Variants in EGFLAM observed in about 807,000 individuals in gnomAD.
EGFLAM encodes the protein EGF like, fibronectin type III and laminin G domains.
Under a neutral mutation model 113.1 loss-of-function variants are expected in EGFLAM, and 79 were observed. That is an observed-to-expected ratio of 0.70 (90% confidence interval 0.58 to 0.84). The LOEUF (loss-of-function observed/expected upper bound fraction) is 0.84. Ranked by LOEUF, EGFLAM falls within the 40% of genes least tolerant of loss-of-function variation. The pLI, the probability that EGFLAM is intolerant of heterozygous loss-of-function variation, is 0.00. For missense variants in EGFLAM, 1,265 were observed against 1,291.6 expected (o/e 0.98, Z 0.32); for synonymous variants, 504 against 487.6 (o/e 1.03, Z -0.44).
chr5:38,457,984 G>A (rs1400416484), intron 19 of EGFLAM, among the ~76,000 whole-genome samples: 1 of 152,158 alleles, frequency 6.6e-6, no homozygotes, highest in African/African-American at 2.4e-5. Flanking sequence ...TTAATGCAAT[G>A]CTTTTGTTTT....
At chr5:38,410,671 A>T (rs553348563) in intron 10 of EGFLAM, among the ~76,000 whole-genome samples, 251 of 152,078 alleles carry the variant, frequency 1.7e-3, no homozygotes, top group Non-Finnish European at 3.2e-3. Flanking sequence ...GACCATGGGC[A>T]CTCCTGGGCC....
chr5:38,391,882 T>C (rs1740822300), intron 6 of EGFLAM, among the ~76,000 whole-genome samples: 1 of 151,910 alleles, frequency 6.6e-6, no homozygotes, highest in Admixed American at 6.6e-5. Flanking sequence ...GTTCAAGTGA[T>C]TCTTGTCCCT....
intron 1 of EGFLAM, among the ~76,000 whole-genome samples, chr5:38,293,132 C>T (rs750785287): frequency 3.3e-5 from 5 of 152,150 alleles, no homozygotes; most frequent in Non-Finnish European, 5.9e-5. Context: ...TTACTTTTAA[C>T]CTTTTAATTC....
chr5:38,416,068 A>T (rs1053066289), intron 11 of EGFLAM, among the ~76,000 whole-genome samples: 8 of 151,820 alleles, frequency 5.3e-5, no homozygotes, highest in South Asian at 4.2e-4. Context: ...TTTTTTTTTA[A>T]AAAAATAAGT....
intron 1 of EGFLAM, among the ~76,000 whole-genome samples, chr5:38,260,879 G>A (rs1371077576): frequency 6.6e-6 from 1 of 152,144 alleles, no homozygotes; most frequent in African/African-American, 2.4e-5. Context: ...GCTCTGATGT[G>A]AGCAGCAACT....
chr5:38,368,761 A>G (rs558432407), intron 5 of EGFLAM, among the ~76,000 whole-genome samples: 1 of 152,054 alleles, frequency 6.6e-6, no homozygotes, highest in Admixed American at 6.5e-5. Flanking sequence ...TGTAAATCTA[A>G]CCTCATCCTA....
At chr5:38,332,877 A>G (rs1270011180) in intron 1 of EGFLAM, among the ~76,000 whole-genome samples, 2 of 152,218 alleles carry the variant, frequency 1.3e-5, no homozygotes, top group Non-Finnish European at 2.9e-5. Context: ...TGTGCGCGTC[A>G]TAGCCATCAT....
chr5:38,392,631 G>GT (rs1320027687), intron 6 of EGFLAM, among the ~76,000 whole-genome samples: 1 of 148,196 alleles, frequency 6.7e-6, no homozygotes, highest in Admixed American at 6.7e-5. Flanking sequence ...TTTTTTTTTG[G>GT]GGGGGCGGTT....
intron 5 of EGFLAM, among the ~76,000 whole-genome samples, chr5:38,368,763 C>T (rs1241726288): frequency 6.6e-6 from 1 of 152,116 alleles, no homozygotes; most frequent in East Asian, 1.9e-4. Context: ...TAAATCTAAC[C>T]TCATCCTACC....
chr5:38,434,018 A>G (rs1056751996), intron 15 of EGFLAM, among the ~76,000 whole-genome samples: 4 of 152,150 alleles, frequency 2.6e-5, no homozygotes, highest in African/African-American at 7.2e-5. Flanking sequence ...TCTACCCTTG[A>G]CATGACCCCA....
intron 1 of EGFLAM, among the ~76,000 whole-genome samples, chr5:38,276,806 G>A (rs1334898452): frequency 6.6e-6 from 1 of 151,862 alleles, no homozygotes; most frequent in Non-Finnish European, 1.5e-5. Flanking sequence ...CCAACAAATT[G>A]GACAATCTAG....
Position 38,465,295 on chromosome 5 carries a change from T to A in EGFLAM, c.*1309T>A, listed in dbSNP as rs1351251504. ...TGGACTTACTAAGGGAAAGGTGAGA[T>A]GAACACTGCCCCCAAGGAGGGGGTG... On this transcript the variant is annotated 3_prime_UTR_variant, in exon 22 of 22. Coordinates refer to ENST00000322350, the MANE Select transcript of EGFLAM (RefSeq NM_152403.4). Among the ~76,000 whole-genome samples, 2 of 152,160 alleles carry A rather than the reference T, an allele frequency of 1.3e-5. No individual in the cohort carries two copies. Among genetic ancestry groups the A allele is most frequent in the African/African-American group, 4.8e-5 (2 of 41,438 alleles).
At chr5:38,283,889 G>A (rs1758086630) in intron 1 of EGFLAM, 1 of 152,248 alleles carries the variant, frequency 6.6e-6, no homozygotes, top group South Asian at 2.1e-4. Context: ...CTGTGGAGAG[G>A]TTGTTCCTGC....
intron 5 of EGFLAM, among the ~76,000 whole-genome samples, chr5:38,369,499 G>T (rs1441750762): frequency 6.6e-6 from 1 of 152,218 alleles, no homozygotes; most frequent in African/African-American, 2.4e-5. Flanking sequence ...TCTGGTACCT[G>T]CTGAGTGTTT....
chr5:38,288,800 G>T (rs1454167294), intron 1 of EGFLAM, among the ~76,000 whole-genome samples: 1 of 152,176 alleles, frequency 6.6e-6, no homozygotes, highest in South Asian at 2.1e-4. Context: ...TAACCAAATT[G>T]TTGAGCAACT....
intron 6 of EGFLAM, among the ~76,000 whole-genome samples, chr5:38,381,425 C>T (rs537765002): frequency 6.6e-5 from 10 of 152,136 alleles, no homozygotes; most frequent in South Asian, 4.1e-4. Context: ...ATAATGCAAC[C>T]GAATACGAAA....
At chr5:38,358,860 A>G (rs1306907210) in intron 5 of EGFLAM, among the ~76,000 whole-genome samples, 2 of 152,232 alleles carry the variant, frequency 1.3e-5, no homozygotes, top group Non-Finnish European at 2.9e-5. Flanking sequence ...GTAAGCCTTC[A>G]GGCTGTAACA....
rs557959156 is a variant in EGFLAM at position 38,268,956 on chromosome 5, C to T, written c.97+10105C>T. 2.0e-4 allele frequency among the ~76,000 whole-genome samples: 30 copies of T among 152,236 alleles called. No individual in the cohort carries two copies. The South Asian group carries it at 4.6e-3, about 23-fold the overall frequency. On this transcript the variant is annotated intron_variant, in intron 1 of 21. Transcript: ENST00000322350. ...TGGGAGGCTGAGGTGGTGGGTGGAT[C>T]GCTTCAGCCCAGGAGTTTGAGACCA... is the stretch of plus-strand genomic sequence containing the variant.
rs145214042 is a variant in EGFLAM, at chr5:38,338,200, C to T, written c.208-498C>T. Among the ~76,000 whole-genome samples, 14 of 152,230 alleles carry T rather than the reference C, an allele frequency of 9.2e-5. 1 individual carries two copies. The East Asian group carries it at 2.7e-3, about 30-fold the overall frequency. On this transcript the variant is annotated intron_variant, in intron 2 of 21. Coordinates refer to ENST00000322350, the MANE Select transcript of EGFLAM (RefSeq NM_152403.4). ...TGGGATATGGGGAGAGCTGGCCACACGGGGTCCACATTCCTCTCCACCTGC... is the reference window on the plus strand; with the variant it reads ...TGGGATATGGGGAGAGCTGGCCACATGGGGTCCACATTCCTCTCCACCTGC...
Sources: allele counts gnomAD v4.1 joint callset (sites outside exome capture counted in the v4.1 genomes callset), GRCh38; gene constraint gnomAD v4.1.1; transcripts MANE v1.5; gene names NCBI Gene and HGNC (gene_info 2026-07-23, HGNC 2026-07-21).